The following USP44 variants were observed in gnomAD, a reference collection of about 807,000 sequenced individuals.
The protein encoded by USP44 is ubiquitin carboxyl-terminal hydrolase 44.
Under a neutral mutation model 69.0 loss-of-function variants are expected in USP44, and 61 were observed. The observed-to-expected ratio is 0.88, with a 90% CI of 0.72 to 1.09. The LOEUF is 1.09. Among genes scored for constraint, USP44 ranks in the 50% least tolerant of loss-of-function variants. The pLI is 0.00. For synonymous variants in USP44, 297 were observed against 295.4 expected (o/e 1.01, Z -0.06); for missense variants, 753 against 849.9 (o/e 0.89, Z 1.42).
chr12:95,549,493 C>T (rs1323691330), intron 1 of USP44, among the ~76,000 whole-genome samples: 3 of 152,130 alleles, frequency 2.0e-5, no homozygotes, highest in Admixed American at 6.5e-5. Context: ...TGAAAATTAA[C>T]CCATTAATAT....
rs1213557254 is a variant in USP44 at position 95,524,708 on chromosome 12, C to A, written c.1705G>T (p.Val569Phe). ...AATCGTTTGAGGTGCAGTCTGAGAA[C>A]CTGAGGTAGGTGGCATATCATAAGT... Reference protein sequence around the residue: ...KQLMICHLPQVLRLHLKRFRW... With the variant: ...KQLMICHLPQFLRLHLKRFRW... The change falls in exon 4 of 6, where the codon GTT (valine) becomes TTT (phenylalanine). Residue 569 changes from valine (V) to phenylalanine (F), a missense_variant. By Grantham distance (50) the Val-to-Phe change is conservative. Coordinates refer to ENST00000258499, the MANE Select transcript of USP44 (RefSeq NM_032147.5). 3 of 1,612,020 alleles carry A rather than the reference C, an allele frequency of 1.9e-6. No individual in the cohort carries two copies. Among genetic ancestry groups the A allele is most frequent in the Non-Finnish European group, 8.5e-7 (1 of 1,179,282 alleles).
rs1375741429 is a variant in USP44, at chr12:95,518,310, A to G, written c.1983T>C (p.Thr661=). 1.2e-6 allele frequency: 2 copies of G among 1,614,092 alleles called. No homozygotes were observed. The highest frequency in any genetic ancestry group is 1.7e-6 in the Non-Finnish European group (2 of 1,180,044). The change falls in exon 6 of 6, where the codon ACT becomes ACC. Residue 661 remains threonine, a synonymous_variant. Coordinates refer to ENST00000258499, the MANE Select transcript of USP44 (RefSeq NM_032147.5). ...HCNDSKLSMC[T]MDEVCKAQAY... ...CTTGAGCCTTGCATACTTCATCCAT[A>G]GTGCACATGCTTAGTTTGGAATCAT... is the stretch of plus-strand genomic sequence containing the variant.
intron 5 of USP44, among the ~76,000 whole-genome samples, chr12:95,518,705 C>G (rs1312509110): frequency 6.6e-6 from 1 of 152,064 alleles, no homozygotes. Context: ...TTTGGAAGGC[C>G]GAGGCAGGCA....
chr12:95,518,420 G>A (rs1177952473), intron 5 of USP44, 67 bp from the exon 6 acceptor site: 2 of 1,485,634 alleles, frequency 1.3e-6, no homozygotes, highest in African/African-American at 2.8e-5. Flanking sequence ...AAGGCATTGA[G>A]TGAGAAGCTT....
rs2076488490 is a variant in USP44 at position 95,516,926 on chromosome 12, G to A, written c.*1228C>T. 1 of 152,124 alleles carries A rather than the reference G, an allele frequency of 6.6e-6. No individual in the cohort carries two copies. Among genetic ancestry groups the A allele is most frequent in the South Asian group, 2.1e-4 (1 of 4,830 alleles). The allele number at this position is 152,124 out of a possible 1,614,324, so 9.4% of individuals were successfully genotyped here. On this transcript the variant is annotated 3_prime_UTR_variant, in exon 6 of 6. Transcript: ENST00000258499. ...ATACATGATCTTCCTGTGGTTAACA[G>A]AGCTTAGATACATAGCTGGTCTACA...
intron 3 of USP44, among the ~76,000 whole-genome samples, chr12:95,527,645 C>T (rs113938572): frequency 0.16 from 24,726 of 150,966 alleles, 2,182 homozygotes; most frequent in South Asian, 0.19. Context: ...CCACCACACC[C>T]GGCTAATTTC....
intron 5 of USP44, among the ~76,000 whole-genome samples, chr12:95,519,762 G>C (rs530165474): frequency 1.0e-3 from 151 of 150,648 alleles, no homozygotes; most frequent in African/African-American, 3.4e-3. Context: ...AAATTGGGTC[G>C]GGCATGGTGG....
At chr12:95,519,526 G>T (rs1444574600) in intron 5 of USP44, among the ~76,000 whole-genome samples, 1 of 133,662 alleles carries the variant, frequency 7.5e-6, no homozygotes, top group Non-Finnish European at 1.5e-5. Context: ...TGCAAGCTCC[G>T]CCTCCCGGGT....
At position 95,533,097 on chromosome 12, in the gene USP44, G is replaced by T; in HGVS notation, c.1160C>A (p.Thr387Asn). The change falls in exon 2 of 6, where the codon ACT becomes AAT. Residue 387 changes from threonine (T) to asparagine (N), a missense_variant. By Grantham distance (65) the Thr-to-Asn change is moderately conservative. Coordinates refer to ENST00000258499, the MANE Select transcript of USP44 (RefSeq NM_032147.5). ...QYISLCHELH[T>N]LFQVMWSGKW... is the part of the protein sequence containing the mutation. ...TCCAGACCACATGACTTGGAACAAA[G>T]TATGCAATTCATGACAAAGAGAAAT... 1 of 1,614,208 alleles carries T rather than the reference G, an allele frequency of 6.2e-7. No individual in the cohort carries two copies. Among genetic ancestry groups the T allele is most frequent in the Non-Finnish European group, 8.5e-7 (1 of 1,180,044 alleles).
Position 95,521,004 on chromosome 12 carries a change from A to C in USP44, c.1932T>G (p.Ser644=). Residue 644 remains serine (S), a synonymous_variant, in exon 5 of 6, where the codon TCT becomes TCG. Transcript: ENST00000258499. ...SGHYTAYCYN[S]EGGFWVHCND... ...ACTTTTTCTTATCTATACCTCCTTC[A>C]GAATTATAGCAGTAGGCAGTGTAGT... is the stretch of plus-strand genomic sequence containing the variant. 1.2e-6 allele frequency: 2 copies of C among 1,614,120 alleles called. No homozygotes were observed. The highest frequency in any genetic ancestry group is 1.7e-6 in the Non-Finnish European group (2 of 1,179,964).
At chr12:95,525,318 C>G (rs894998932) in intron 3 of USP44, among the ~76,000 whole-genome samples, 1 of 152,140 alleles carries the variant, frequency 6.6e-6, no homozygotes, top group South Asian at 2.1e-4. Flanking sequence ...GATCCACCTG[C>G]CTCGTCCTCC....
intron 4 of USP44, among the ~76,000 whole-genome samples, chr12:95,521,775 C>A (rs529562089): frequency 3.1e-4 from 47 of 152,288 alleles, no homozygotes; most frequent in African/African-American, 1.1e-3. Flanking sequence ...GTGTGAGCCA[C>A]TGTGCCCAGC....
At position 95,551,415 on chromosome 12, in the gene USP44, C is replaced by T. The variant is rs2077719658; in HGVS notation, c.-214G>A. On this transcript the variant is annotated 5_prime_UTR_variant, in exon 1 of 6. Coordinates refer to ENST00000258499, the MANE Select transcript of USP44 (RefSeq NM_032147.5). ...CCTGGCGGCTGCCTCCAGTGCCCCC[C>T]TGCAAATCATTACAAATCAACCTCT... 1 of 152,620 alleles carries T rather than the reference C, an allele frequency of 6.6e-6. No homozygotes were observed. Among genetic ancestry groups the T allele is most frequent in the African/African-American group, 2.4e-5 (1 of 41,396 alleles). The allele number at this position is 152,620 out of a possible 1,614,324, so 9.5% of individuals were successfully genotyped here.
Position 95,529,913 on chromosome 12 carries a change from A to C in USP44, c.1429-911T>G, listed in dbSNP as rs571738310. 1.8e-3 allele frequency among the ~76,000 whole-genome samples: 270 copies of C among 152,328 alleles called. 1 individual carries two copies. The highest frequency in any genetic ancestry group is 6.3e-3 in the Admixed American group (96 of 15,306). ...GATGTCATACTCCTACTTAAAGCAA[A>C]CATAACATTAAAATCCCCATCCAAA... On this transcript the variant is annotated intron_variant, in intron 2 of 5. Transcript: ENST00000258499.
chr12:95,528,007 T>G (rs987445757), intron 3 of USP44, among the ~76,000 whole-genome samples: 4 of 151,816 alleles, frequency 2.6e-5, no homozygotes, highest in Non-Finnish European at 5.9e-5. Flanking sequence ...CCCAGCTAAT[T>G]TTTGTATTTT....
intron 1 of USP44, among the ~76,000 whole-genome samples, chr12:95,539,409 A>G (rs143263461): frequency 1.6e-4 from 25 of 152,072 alleles, no homozygotes; most frequent in Middle Eastern, 3.4e-3. Context: ...TGTATTTGTA[A>G]TAGAGACAGG....
intron 2 of USP44, among the ~76,000 whole-genome samples, chr12:95,530,935 C>T (rs2076999651): frequency 6.6e-6 from 1 of 152,120 alleles, no homozygotes; most frequent in African/African-American, 2.4e-5. Context: ...GAGGCCGAGG[C>T]GCGTGGATCA....
At chr12:95,540,974 G>A (rs912273249) in intron 1 of USP44, among the ~76,000 whole-genome samples, 1 of 152,180 alleles carries the variant, frequency 6.6e-6, no homozygotes, top group Non-Finnish European at 1.5e-5. Context: ...CCATACGGAA[G>A]TAGCAATTTA....
At chr12:95,530,293 C>CA (rs367940970) in intron 2 of USP44, among the ~76,000 whole-genome samples, 38 of 151,506 alleles carry the variant, frequency 2.5e-4, no homozygotes, top group African/African-American at 6.8e-4. Flanking sequence ...TTGAATTAAA[C>CA]AAAAAAAACA....
Sources: allele counts gnomAD v4.1 joint callset (sites outside exome capture counted in the v4.1 genomes callset), GRCh38; gene constraint gnomAD v4.1.1; transcripts MANE v1.5; gene names NCBI Gene and HGNC (gene_info 2026-07-23, HGNC 2026-07-21).